The following GRID2 variants were observed in gnomAD, a reference collection of about 807,000 sequenced individuals.
GRID2 encodes the protein glutamate receptor ionotropic, delta-2.
In GRID2, 33 loss-of-function variants were observed where a neutral mutation model predicts 114.8. The observed-to-expected ratio is 0.29, with a 90% CI of 0.22 to 0.38. The LOEUF (loss-of-function observed/expected upper bound fraction) is 0.38, where lower values mean the gene tolerates loss of function less well. Ranked by LOEUF, GRID2 falls within the 10% of genes least tolerant of loss-of-function variation. GRID2 has a pLI of 1.00. For missense variants in GRID2, 1,184 were observed against 1,257.7 expected (o/e 0.94, Z 0.89); for synonymous variants, 505 against 449.9 (o/e 1.12, Z -1.55).
chr4:93,729,319 A>G (rs770134838), intron 14 of GRID2, among the ~76,000 whole-genome samples: 1 of 152,184 alleles, frequency 6.6e-6, no homozygotes, highest in Non-Finnish European at 1.5e-5. Context: ...CAGACAGGAG[A>G]TCCAGGATGA....
chr4:93,311,947 G>A (rs1159029910), intron 8 of GRID2, among the ~76,000 whole-genome samples: 1 of 152,066 alleles, frequency 6.6e-6, no homozygotes, highest in African/African-American at 2.4e-5. Context: ...CAATAATTTG[G>A]GATGAGAAAG....
At chr4:93,537,711 C>T (rs757922400) in intron 13 of GRID2, among the ~76,000 whole-genome samples, 6 of 151,748 alleles carry the variant, frequency 4.0e-5, no homozygotes, top group Non-Finnish European at 8.9e-5. Flanking sequence ...CAACTTGTTT[C>T]TCCATTAGCC....
chr4:93,301,166 T>C, intron 8 of GRID2, among the ~76,000 whole-genome samples: 1 of 152,312 alleles, frequency 6.6e-6, no homozygotes, highest in East Asian at 1.9e-4. Flanking sequence ...TCTAAACATA[T>C]ATATGAAGCA....
chr4:92,685,494 G>A (rs933330332), intron 2 of GRID2, among the ~76,000 whole-genome samples: 5 of 151,988 alleles, frequency 3.3e-5, no homozygotes, highest in African/African-American at 1.2e-4. Context: ...TTACAGATAA[G>A]TTAAAAAATA....
At chr4:93,309,135 T>C (rs868225776) in intron 8 of GRID2, among the ~76,000 whole-genome samples, 2 of 152,342 alleles carry the variant, frequency 1.3e-5, no homozygotes, top group Middle Eastern at 3.4e-3. Context: ...CACATCAGAC[T>C]GCAAGCTCCT....
At chr4:93,376,440 A>G (rs1432653199) in intron 8 of GRID2, among the ~76,000 whole-genome samples, 1 of 151,992 alleles carries the variant, frequency 6.6e-6, no homozygotes, top group Non-Finnish European at 1.5e-5. Context: ...TCGGGAAACT[A>G]CAGAAAAAAA....
intron 2 of GRID2, among the ~76,000 whole-genome samples, chr4:92,989,201 C>T (rs1313313979): frequency 3.6e-5 from 5 of 140,798 alleles, no homozygotes; most frequent in South Asian, 4.6e-4. Context: ...GGCGTGAACC[C>T]GGGAGGCGGA....
At chr4:93,409,949 C>T (rs1340682851) in intron 9 of GRID2, among the ~76,000 whole-genome samples, 2 of 152,064 alleles carry the variant, frequency 1.3e-5, no homozygotes, top group Non-Finnish European at 2.9e-5. Flanking sequence ...AGAGAGAGAT[C>T]GACAGAGTCA....
intron 4 of GRID2, among the ~76,000 whole-genome samples, chr4:93,129,616 A>G (rs1389580871): frequency 6.6e-6 from 1 of 151,862 alleles, no homozygotes; most frequent in African/African-American, 2.4e-5. Context: ...ACCCAACAAC[A>G]CTCCCAGGCA....
At chr4:92,581,136 T>C (rs1728165001) in intron 1 of GRID2, among the ~76,000 whole-genome samples, 1 of 151,698 alleles carries the variant, frequency 6.6e-6, no homozygotes, top group Non-Finnish European at 1.5e-5. Flanking sequence ...GAGTTAAACA[T>C]TGCTGCCTTT....
chr4:92,314,314 T>C (rs1253090557), intron 1 of GRID2, among the ~76,000 whole-genome samples: 2 of 152,250 alleles, frequency 1.3e-5, no homozygotes, highest in Admixed American at 1.3e-4. Context: ...AGTCATTTGG[T>C]AATGTACTAA....
chr4:92,750,650 C>T (rs1737406103), intron 2 of GRID2, among the ~76,000 whole-genome samples: 1 of 152,136 alleles, frequency 6.6e-6, no homozygotes, highest in African/African-American at 2.4e-5. Flanking sequence ...CTGTATAATA[C>T]ATTTTGAAAA....
chr4:92,491,074 G>A (rs1375057413), intron 1 of GRID2, among the ~76,000 whole-genome samples: 1 of 152,126 alleles, frequency 6.6e-6, no homozygotes, highest in East Asian at 1.9e-4. Context: ...GCAATTTATA[G>A]TAAATTGTAG....
intron 7 of GRID2, among the ~76,000 whole-genome samples, chr4:93,229,505 A>G (rs1302872087): frequency 6.6e-6 from 1 of 152,152 alleles, no homozygotes; most frequent in Non-Finnish European, 1.5e-5. Context: ...AAAGAAAGGG[A>G]GGGTAAGGCT....
intron 13 of GRID2, among the ~76,000 whole-genome samples, chr4:93,527,291 T>C (rs925220481): frequency 3.3e-5 from 5 of 152,204 alleles, no homozygotes; most frequent in African/African-American, 1.2e-4. Flanking sequence ...AACTCTATTA[T>C]TTTTCTTATT....
At position 93,733,737 on chromosome 4, in the gene GRID2, T is replaced by A. The variant is rs139451580; in HGVS notation, c.2361-35473T>A. Among the ~76,000 whole-genome samples the A allele has an allele frequency of 1.8e-3, 272 of 152,204 alleles. 2 individuals are homozygous for A. The highest frequency in any genetic ancestry group is 6.4e-3 in the African/African-American group (265 of 41,542). On this transcript the variant is annotated intron_variant, in intron 14 of 15. Transcript: ENST00000282020. ...AAAGTAACCACAGATTAGAACTCAG[T>A]GTCAGATTTCCAAATCTGCAGGATC...
chr4:92,439,948 A>T (rs966108331), intron 1 of GRID2, among the ~76,000 whole-genome samples: 3 of 145,552 alleles, frequency 2.1e-5, no homozygotes, highest in African/African-American at 7.3e-5. Context: ...TAGGAGTATG[A>T]CTAGACAGAA....
intron 1 of GRID2, among the ~76,000 whole-genome samples, chr4:92,525,037 A>G (rs1186245845): frequency 3.3e-5 from 5 of 151,958 alleles, no homozygotes; most frequent in African/African-American, 9.7e-5. Context: ...AGTATTTTTT[A>G]TACTCTCTCA....
chr4:93,440,424 A>T (rs146467581), intron 10 of GRID2, among the ~76,000 whole-genome samples: 1 of 152,250 alleles, frequency 6.6e-6, no homozygotes, highest in Non-Finnish European at 1.5e-5. Context: ...TTTCATTCTT[A>T]CATGAGATTA....
Sources: allele counts gnomAD v4.1 joint callset (sites outside exome capture counted in the v4.1 genomes callset), GRCh38; gene constraint gnomAD v4.1.1; transcripts MANE v1.5; gene names NCBI Gene and HGNC (gene_info 2026-07-23, HGNC 2026-07-21).